The following SV2C variants were observed in gnomAD, a reference collection of about 807,000 sequenced individuals.
The protein encoded by SV2C is solute carrier family 22 member B3.
SV2C carries 49 observed loss-of-function variants against 79.7 expected under a neutral mutation model. That is an observed-to-expected ratio of 0.61 (90% CI 0.49 to 0.78). SV2C has a LOEUF of 0.78. Among genes scored for constraint, SV2C ranks in the 30% least tolerant of loss-of-function variants. The pLI is 0.00. For synonymous variants in SV2C, 334 were observed against 333.2 expected (o/e 1.00, Z -0.03); for missense variants, 833 against 912.9 (o/e 0.91, Z 1.13).
At chr5:75,938,181 T>A in the SV2C span, among the ~76,000 whole-genome samples, 1 of 152,210 alleles carries the variant, frequency 6.6e-6, no homozygotes, top group African/African-American at 2.4e-5. Context: ...TTTCTCATAG[T>A]TTATATACAG....
intron 4 of SV2C, among the ~76,000 whole-genome samples, chr5:76,276,221 A>G (rs1473170188): frequency 1.3e-5 from 2 of 152,172 alleles, no homozygotes; most frequent in Non-Finnish European, 2.9e-5. Flanking sequence ...AGTGTTTTAC[A>G]CCTTCGTTCT....
chr5:76,203,805 G>A lies in SV2C; in HGVS notation c.762-5931G>A, dbSNP rs560357929. Among the ~76,000 whole-genome samples the A allele has an allele frequency of 3.3e-5, 5 of 152,112 alleles. No homozygotes were observed. In the Middle Eastern group the frequency reaches 0.01, roughly 310 times the overall value. On this transcript the variant is annotated intron_variant, in intron 3 of 12. Transcript: ENST00000502798. ...TTAGAAAATGACAACTTCATATATCGAAGAATATTATTTTTCAAATTGTGG... is the reference window on the plus strand; with the variant it reads ...TTAGAAAATGACAACTTCATATATCAAAGAATATTATTTTTCAAATTGTGG...
rs553824490 is a variant in SV2C at position 76,119,175 on chromosome 5, G to A, written c.-101-12475G>A. On this transcript the variant is annotated intron_variant, in intron 1 of 12. Transcript: ENST00000502798. ...GTACCATAGGAAAAAAATGGTAGAAGAATATTTTAAAGCATGAGGACATTT... is the reference window on the plus strand; with the variant it reads ...GTACCATAGGAAAAAAATGGTAGAAAAATATTTTAAAGCATGAGGACATTT... 3.3e-5 allele frequency among the ~76,000 whole-genome samples: 5 copies of A among 152,254 alleles called. No individual in the cohort carries two copies. The South Asian group carries it at 1.0e-3, about 32-fold the overall frequency.
the SV2C span, among the ~76,000 whole-genome samples, chr5:75,956,252 T>C: frequency 6.8e-6 from 1 of 146,616 alleles, no homozygotes; most frequent in Non-Finnish European, 1.5e-5. Flanking sequence ...TGTAGGCACA[T>C]GGATGAAATT....
At chr5:76,164,578 G>A (rs906970977) in intron 2 of SV2C, among the ~76,000 whole-genome samples, 4 of 152,172 alleles carry the variant, frequency 2.6e-5, no homozygotes, top group African/African-American at 9.7e-5. Flanking sequence ...CTGGTTTTTG[G>A]TCTTTTGGTT....
chr5:76,213,229 G>T lies in SV2C; in HGVS notation c.913+3342G>T, dbSNP rs182222071. Among the ~76,000 whole-genome samples, 363 of 152,268 alleles carry T rather than the reference G, an allele frequency of 2.4e-3. 2 individuals are homozygous for T. Among genetic ancestry groups the T allele is most frequent in the Middle Eastern group, 0.024 (7 of 294 alleles). Reference sequence around the variant, plus strand: ...CTGTCTGCAAATTAAAATTAAAAATGAAAAGCTTTAAAAATAACTTTGCTG... The same window carrying T: ...CTGTCTGCAAATTAAAATTAAAAATTAAAAGCTTTAAAAATAACTTTGCTG... On this transcript the variant is annotated intron_variant, in intron 4 of 12. Transcript: ENST00000502798.
chr5:76,104,908 C>G (rs964891198), intron 1 of SV2C, among the ~76,000 whole-genome samples: 1 of 152,156 alleles, frequency 6.6e-6, no homozygotes, highest in Non-Finnish European at 1.5e-5. Flanking sequence ...CAGTTTCTTC[C>G]TATTTCAGCA....
intron 4 of SV2C, among the ~76,000 whole-genome samples, chr5:76,256,686 A>T (rs1205756068): frequency 6.6e-6 from 1 of 152,238 alleles, no homozygotes; most frequent in Non-Finnish European, 1.5e-5. Flanking sequence ...GCTCTGAAAG[A>T]GAGCAGTTTC....
the SV2C span, among the ~76,000 whole-genome samples, chr5:75,972,622 A>G: frequency 1.3e-5 from 2 of 152,130 alleles, no homozygotes; most frequent in East Asian, 1.9e-4. Context: ...CAAAACCACA[A>G]TGAGATACCA....
At chr5:75,943,993 A>T in the SV2C span, among the ~76,000 whole-genome samples, 9 of 152,224 alleles carry the variant, frequency 5.9e-5, no homozygotes, top group African/African-American at 2.2e-4. Context: ...ATTGCAAAAC[A>T]AAATAAGCAA....
At chr5:76,190,482 G>C (rs940944520) in intron 2 of SV2C, among the ~76,000 whole-genome samples, 1 of 152,218 alleles carries the variant, frequency 6.6e-6, no homozygotes, top group Non-Finnish European at 1.5e-5. Flanking sequence ...AGACAGAGCA[G>C]GGTGATCAGA....
intron 12 of SV2C, among the ~76,000 whole-genome samples, chr5:76,307,176 T>G (rs1023545798): frequency 2.0e-5 from 3 of 152,206 alleles, no homozygotes; most frequent in Non-Finnish European, 2.9e-5. Context: ...ATTATTTATT[T>G]TGTCAAAAAA....
At chr5:76,268,648 T>G (rs1346095314) in intron 4 of SV2C, among the ~76,000 whole-genome samples, 1 of 152,214 alleles carries the variant, frequency 6.6e-6, no homozygotes, top group Non-Finnish European at 1.5e-5. Context: ...TTATTACTTT[T>G]CTGTGGTAAT....
chr5:75,869,621 G>T, the SV2C span, among the ~76,000 whole-genome samples: 1 of 152,290 alleles, frequency 6.6e-6, no homozygotes, highest in African/African-American at 2.4e-5. Flanking sequence ...GGCTGGCTTT[G>T]TCACCTGGTG....
chr5:76,107,900 T>G (rs1351862486), intron 1 of SV2C, among the ~76,000 whole-genome samples: 1 of 152,020 alleles, frequency 6.6e-6, no homozygotes, highest in Non-Finnish European at 1.5e-5. Context: ...TTTCATGAGG[T>G]TTTGTTAAGA....
At chr5:75,942,088 G>A in the SV2C span, among the ~76,000 whole-genome samples, 2 of 152,154 alleles carry the variant, frequency 1.3e-5, no homozygotes, top group Non-Finnish European at 2.9e-5. Context: ...GAGAGTTCTG[G>A]ACAGATGAAC....
At chr5:75,943,203 T>A in the SV2C span, among the ~76,000 whole-genome samples, 529 of 152,202 alleles carry the variant, frequency 3.5e-3, 3 homozygotes, top group African/African-American at 0.012. Context: ...CATGGGAGTG[T>A]GGGTGAAGAG....
At chr5:76,232,470 T>G (rs1425573112) in intron 4 of SV2C, among the ~76,000 whole-genome samples, 1 of 146,252 alleles carries the variant, frequency 6.8e-6, no homozygotes, top group East Asian at 2.0e-4. Flanking sequence ...ATTTTGGCTT[T>G]TGTTGCCATT....
At chr5:76,008,842 C>G in the SV2C span, among the ~76,000 whole-genome samples, 1 of 152,146 alleles carries the variant, frequency 6.6e-6, no homozygotes, top group Non-Finnish European at 1.5e-5. Flanking sequence ...GGTCCACAGG[C>G]CTATTAGCTC....
Sources: allele counts gnomAD v4.1 joint callset (sites outside exome capture counted in the v4.1 genomes callset), GRCh38; gene constraint gnomAD v4.1.1; transcripts MANE v1.5; gene names NCBI Gene and HGNC (gene_info 2026-07-23, HGNC 2026-07-21).